Variants in PTPRK observed in about 807,000 individuals in gnomAD.
The protein encoded by PTPRK is protein tyrosine phosphatase receptor type K.
PTPRK carries 75 observed loss-of-function variants against 178.0 expected under a neutral mutation model. That is an observed-to-expected ratio of 0.42 (90% confidence interval 0.35 to 0.51). The LOEUF (loss-of-function observed/expected upper bound fraction) is 0.51, where lower values mean the gene tolerates loss of function less well. Among genes scored for constraint, PTPRK ranks in the 20% least tolerant of loss-of-function variants. PTPRK has a pLI of 0.02. For synonymous variants in PTPRK, 637 were observed against 620.6 expected, an observed-to-expected ratio of 1.03 and a Z score of -0.39; for missense variants, 1,441 against 1,797.8, an observed-to-expected ratio of 0.80 and a Z score of 3.59.
At chr6:128,457,493 C>T (rs1049677394) in intron 1 of PTPRK, among the ~76,000 whole-genome samples, 2 of 152,086 alleles carry the variant, frequency 1.3e-5, no homozygotes, top group Admixed American at 6.6e-5. Flanking sequence ...AAATATTCCC[C>T]TTGTGAAGAA....
At chr6:128,222,574 G>A (rs1810611868) in intron 5 of PTPRK, among the ~76,000 whole-genome samples, 4 of 152,162 alleles carry the variant, frequency 2.6e-5, no homozygotes, top group Admixed American at 2.6e-4. Context: ...AAGTTCCTGT[G>A]CTGTGACAGT....
intron 7 of PTPRK, among the ~76,000 whole-genome samples, chr6:128,135,855 T>TA (rs200754585): frequency 8.9e-4 from 133 of 150,122 alleles, no homozygotes; most frequent in East Asian, 2.9e-3. Flanking sequence ...ATAAAAATAA[T>TA]AAAAAAAAAC....
At chr6:128,434,812 G>T (rs891583754) in intron 1 of PTPRK, among the ~76,000 whole-genome samples, 2 of 151,838 alleles carry the variant, frequency 1.3e-5, no homozygotes, top group Admixed American at 1.3e-4. Context: ...TTGAGGCCAG[G>T]AGTTCAACAC....
Position 128,389,743 on chromosome 6 carries a change from C to CT in PTPRK, c.223+7822dup, listed in dbSNP as rs557080776. Among the ~76,000 whole-genome samples the CT allele has an allele frequency of 9.2e-5, 14 of 151,380 alleles. No homozygotes were observed. The South Asian group carries it at 1.7e-3, about 18-fold the overall frequency. ...TGACACCTATATTCATTTTTATTTC[C>CT]TTTTTTTTAATACTAGGCTATTCTT... On this transcript the variant is annotated intron_variant, in intron 2 of 29. Coordinates refer to ENST00000368226, the MANE Select transcript of PTPRK (RefSeq NM_002844.4).
At chr6:127,970,959 G>C (rs985647251) in intron 29 of PTPRK, among the ~76,000 whole-genome samples, 3 of 149,698 alleles carry the variant, frequency 2.0e-5, no homozygotes, top group African/African-American at 7.4e-5. Context: ...TGATTTCCTT[G>C]AGAAAAAAAA....
chr6:128,296,696 G>T (rs1233999585), intron 3 of PTPRK, among the ~76,000 whole-genome samples: 3 of 152,112 alleles, frequency 2.0e-5, no homozygotes, highest in Non-Finnish European at 4.4e-5. Flanking sequence ...TCACCACCAG[G>T]CCTGCCCTAA....
chr6:128,023,210 C>T (rs1773789109), intron 13 of PTPRK, among the ~76,000 whole-genome samples: 1 of 152,142 alleles, frequency 6.6e-6, no homozygotes, highest in African/African-American at 2.4e-5. Context: ...TCACATGTGA[C>T]TATTAACAGT....
intron 3 of PTPRK, among the ~76,000 whole-genome samples, chr6:128,269,077 C>T (rs532884186): frequency 1.3e-5 from 2 of 151,980 alleles, no homozygotes; most frequent in African/African-American, 2.4e-5. Context: ...TGAAGATGTT[C>T]ATTAAGAGTT....
chr6:128,417,821 C>T (rs1006748947), intron 1 of PTPRK, among the ~76,000 whole-genome samples: 5 of 152,104 alleles, frequency 3.3e-5, no homozygotes, highest in East Asian at 3.9e-4. Flanking sequence ...GGGAATCTTA[C>T]GTGGTATGAG....
intron 3 of PTPRK, among the ~76,000 whole-genome samples, chr6:128,299,507 C>T (rs1371629989): frequency 1.3e-5 from 2 of 151,606 alleles, no homozygotes; most frequent in South Asian, 2.1e-4. Context: ...CAGCATGGTA[C>T]TGGTACCAAA....
chr6:128,345,738 A>T (rs1007161919), intron 2 of PTPRK, among the ~76,000 whole-genome samples: 1 of 152,204 alleles, frequency 6.6e-6, no homozygotes, highest in African/African-American at 2.4e-5. Flanking sequence ...ATACAAGGAG[A>T]ATATATACTA....
chr6:128,090,088 T>C, intron 7 of PTPRK, 96 bp from the exon 8 acceptor site: 1 of 975,660 alleles, frequency 1.0e-6, no homozygotes, highest in Admixed American at 2.4e-5. Context: ...TATGCAAATC[T>C]AGAAAATGTG....
chr6:128,451,799 G>A (rs552059093), intron 1 of PTPRK, among the ~76,000 whole-genome samples: 1 of 152,076 alleles, frequency 6.6e-6, no homozygotes, highest in Non-Finnish European at 1.5e-5. Context: ...ATTTTAGACT[G>A]TCAGTAACAA....
intron 8 of PTPRK, among the ~76,000 whole-genome samples, chr6:128,087,053 C>A (rs1304556388): frequency 6.6e-6 from 1 of 151,940 alleles, no homozygotes; most frequent in Non-Finnish European, 1.5e-5. Flanking sequence ...TGAGTTTGAT[C>A]AATGTAGGGC....
At chr6:128,452,240 C>G (rs139485569) in intron 1 of PTPRK, among the ~76,000 whole-genome samples, 1 of 152,074 alleles carries the variant, frequency 6.6e-6, no homozygotes, top group African/African-American at 2.4e-5. Flanking sequence ...TCTGTATTTC[C>G]CAACTTGCAT....
At chr6:128,211,797 T>C (rs917705899) in intron 6 of PTPRK, among the ~76,000 whole-genome samples, 1 of 152,112 alleles carries the variant, frequency 6.6e-6, no homozygotes, top group Admixed American at 6.6e-5. Flanking sequence ...TTAATGACTC[T>C]CTTGAAGATG....
chr6:127,980,033 C>T (rs575808479), intron 25 of PTPRK, among the ~76,000 whole-genome samples: 8 of 152,020 alleles, frequency 5.3e-5, no homozygotes, highest in South Asian at 2.1e-4. Flanking sequence ...AAAAAAGGCC[C>T]GGCACGGTGG....
intron 14 of PTPRK, 118 bp downstream of exon 14, chr6:128,009,012 A>T: frequency 1.1e-6 from 1 of 917,768 alleles, no homozygotes; most frequent in Non-Finnish European, 1.6e-6. Flanking sequence ...CAACATTGTT[A>T]AAATTAAAAT....
At chr6:128,510,835 T>C (rs971264548) in intron 1 of PTPRK, among the ~76,000 whole-genome samples, 13 of 151,868 alleles carry the variant, frequency 8.6e-5, no homozygotes, top group African/African-American at 2.7e-4. Flanking sequence ...AAATAATAAT[T>C]ATATAGATTA....
Sources: gnomAD v4.1 joint callset for allele counts (sites outside exome capture counted in the v4.1 genomes callset) on GRCh38, gnomAD v4.1.1 for gene constraint, MANE v1.5 for transcripts, NCBI Gene and HGNC (gene_info 2026-07-23, HGNC 2026-07-21) for gene names.